The following SLC10A7 variants were observed in gnomAD, a reference collection of about 807,000 sequenced individuals.
The protein encoded by SLC10A7 is sodium/bile acid cotransporter 7.
Under a neutral mutation model 43.2 loss-of-function variants are expected in SLC10A7, and 29 were observed. The observed-to-expected ratio is 0.67, with a 90% confidence interval of 0.50 to 0.92. SLC10A7 has a LOEUF of 0.92. Ranked by LOEUF, SLC10A7 falls within the 40% of genes least tolerant of loss-of-function variation. The pLI, the probability that SLC10A7 is intolerant of heterozygous loss-of-function variation, is 0.00. For synonymous variants in SLC10A7, 152 were observed against 144.8 expected (o/e 1.05, Z -0.35); for missense variants, 295 against 403.2 (o/e 0.73, Z 2.30).
At chr4:146,436,640 A>G (rs921967992) in intron 5 of SLC10A7, among the ~76,000 whole-genome samples, 2 of 152,056 alleles carry the variant, frequency 1.3e-5, no homozygotes, top group African/African-American at 4.8e-5. Flanking sequence ...CTCAAAGGAC[A>G]TGTGCACAGA....
At chr4:146,351,485 C>G (rs1402713940) in intron 5 of SLC10A7, among the ~76,000 whole-genome samples, 1 of 150,168 alleles carries the variant, frequency 6.7e-6, no homozygotes, top group African/African-American at 2.4e-5. Context: ...AGGAGAACTT[C>G]CCCAATCTAG....
At chr4:146,436,092 CCTCCACCAAAATTAG>C (rs1730189470) in intron 5 of SLC10A7, among the ~76,000 whole-genome samples, 1 of 151,974 alleles carries the variant, frequency 6.6e-6, no homozygotes, top group Admixed American at 6.6e-5. Flanking sequence ...GTTGCTTCAG[CCTCCACCAAAATTAG>C]ATTTGTAAGT....
chr4:146,307,220 T>C (rs1293425232), intron 6 of SLC10A7, among the ~76,000 whole-genome samples: 2 of 151,452 alleles, frequency 1.3e-5, no homozygotes, highest in Non-Finnish European at 3.0e-5. Context: ...CAAGAATATA[T>C]ATCTGGCCCA....
At chr4:146,370,978 T>C (rs1736733729) in intron 5 of SLC10A7, among the ~76,000 whole-genome samples, 1 of 152,210 alleles carries the variant, frequency 6.6e-6, no homozygotes, top group Non-Finnish European at 1.5e-5. Flanking sequence ...ACCATAAAAA[T>C]TCCCCAGATC....
At chr4:146,376,368 AAC>A (rs1737198735) in intron 5 of SLC10A7, among the ~76,000 whole-genome samples, 2 of 152,128 alleles carry the variant, frequency 1.3e-5, no homozygotes, top group Admixed American at 1.3e-4. Flanking sequence ...TGGAAACTGC[AAC>A]CCTAAATGAG....
chr4:146,409,848 G>A (rs773862650), intron 5 of SLC10A7, among the ~76,000 whole-genome samples: 48 of 152,148 alleles, frequency 3.2e-4, no homozygotes, highest in Admixed American at 8.5e-4. Flanking sequence ...TTTCATAACT[G>A]AGTTAGCAAA....
In SLC10A7 at chr4:146,407,576, T is replaced by C. The variant is rs570745112; in HGVS notation, c.435+35207A>G. On this transcript the variant is annotated intron_variant, in intron 5 of 11. Transcript: ENST00000335472. The stretch of plus-strand genomic sequence containing the variant: ...CATTATTAAAGGGGGAAAAGGTGAC[T>C]TCTGAGAGTAACAAATACGTATTTA... Among the ~76,000 whole-genome samples, 3 of 152,342 alleles carry C rather than the reference T, an allele frequency of 2.0e-5. No homozygotes were observed. The East Asian group carries it at 5.8e-4, about 29-fold the overall frequency.
intron 5 of SLC10A7, among the ~76,000 whole-genome samples, chr4:146,411,053 T>G (rs1579117271): frequency 6.6e-6 from 1 of 152,024 alleles, no homozygotes; most frequent in South Asian, 2.1e-4. Context: ...CCAGGCTGGT[T>G]TCGAACTCCT....
rs1014986431 is a variant in SLC10A7, at chr4:146,368,797, T to C, written c.436-42801A>G. Among the ~76,000 whole-genome samples, 3 of 152,182 alleles carry C rather than the reference T, an allele frequency of 2.0e-5. No individual in the cohort carries two copies. In the South Asian group the frequency reaches 6.2e-4, roughly 32 times the overall value. The stretch of plus-strand genomic sequence containing the variant: ...TCAAAATAACCTGGGAAAAAAATGA[T>C]AATTCGTAAAAGACAACTCCTACTA... On this transcript the variant is annotated intron_variant, in intron 5 of 11. Coordinates refer to ENST00000335472, the MANE Select transcript of SLC10A7 (RefSeq NM_001029998.6).
chr4:146,427,772 C>A (rs565791149), intron 5 of SLC10A7, among the ~76,000 whole-genome samples: 1 of 152,290 alleles, frequency 6.6e-6, no homozygotes, highest in African/African-American at 2.4e-5. Flanking sequence ...ACAAATCTGT[C>A]CTGCTCTTCA....
In SLC10A7 at chr4:146,273,401, T is replaced by C. The variant is rs554000481; in HGVS notation, c.847+9791A>G. ...GACGTGGGCTTTGAAATTAGAGACC[T>C]GAGTTTAAATCCTCACTGTACCACC... On this transcript the variant is annotated intron_variant, in intron 10 of 11. Transcript: ENST00000335472. Among the ~76,000 whole-genome samples, 430 of 152,252 alleles carry C rather than the reference T, an allele frequency of 2.8e-3. 1 individual carries two copies. Among genetic ancestry groups the C allele is most frequent in the African/African-American group, 9.7e-3 (404 of 41,542 alleles).
intron 4 of SLC10A7, among the ~76,000 whole-genome samples, chr4:146,467,875 A>G (rs945440850): frequency 7.9e-5 from 12 of 152,048 alleles, no homozygotes; most frequent in African/African-American, 1.7e-4. Context: ...GCCCTCTTTT[A>G]TCTATGATTC....
At chr4:146,357,285 C>T (rs2149757591) in intron 5 of SLC10A7, among the ~76,000 whole-genome samples, 1 of 152,260 alleles carries the variant, frequency 6.6e-6, no homozygotes, top group African/African-American at 2.4e-5. Context: ...AAGAGACTTA[C>T]AGAGTTACCA....
intron 5 of SLC10A7, among the ~76,000 whole-genome samples, chr4:146,374,229 G>C (rs561133128): frequency 1.3e-5 from 2 of 152,194 alleles, no homozygotes; most frequent in Admixed American, 1.3e-4. Context: ...CACATATAAG[G>C]GATCTAGCAC....
chr4:146,297,654 C>G (rs1361474889), intron 7 of SLC10A7, among the ~76,000 whole-genome samples: 2 of 152,136 alleles, frequency 1.3e-5, no homozygotes, highest in Admixed American at 6.5e-5. Flanking sequence ...TTTTTATCCT[C>G]TATTGCACTA....
chr4:146,260,919 C>A (rs1380321814), intron 10 of SLC10A7, among the ~76,000 whole-genome samples: 1 of 152,146 alleles, frequency 6.6e-6, no homozygotes, highest in Non-Finnish European at 1.5e-5. Flanking sequence ...CCTGTGATTT[C>A]AAATATGTCA....
chr4:146,309,601 T>C (rs992868176), intron 6 of SLC10A7, among the ~76,000 whole-genome samples: 7 of 152,124 alleles, frequency 4.6e-5, no homozygotes, highest in Non-Finnish European at 1.0e-4. Flanking sequence ...GTGTGTCAAT[T>C]AGTGAATGAC....
intron 5 of SLC10A7, among the ~76,000 whole-genome samples, chr4:146,327,417 G>A (rs1397317951): frequency 6.6e-6 from 1 of 152,136 alleles, no homozygotes; most frequent in Admixed American, 6.6e-5. Context: ...AGAGCCAAAT[G>A]TGCTAAATGA....
In SLC10A7 at chr4:146,310,053, G is replaced by C. The variant is rs564142917; in HGVS notation, c.472-4044C>G. 6.6e-5 allele frequency among the ~76,000 whole-genome samples: 10 copies of C among 152,144 alleles called. No individual in the cohort carries two copies. In the East Asian group the frequency reaches 1.9e-3, roughly 29 times the overall value. On this transcript the variant is annotated intron_variant, in intron 6 of 11. Transcript: ENST00000335472. The stretch of plus-strand genomic sequence containing the variant: ...GTACCCAATATCCAAGCTCCCACTT[G>C]TAAGCGAGAACATGTAGTATTTTGT...
Sources: allele counts gnomAD v4.1 joint callset (sites outside exome capture counted in the v4.1 genomes callset), GRCh38; gene constraint gnomAD v4.1.1; transcripts MANE v1.5; gene names NCBI Gene and HGNC (gene_info 2026-07-23, HGNC 2026-07-21).